ANGPT1: variants seen among roughly 807,000 people sequenced by gnomAD.
ANGPT1 encodes angiopoietin-1.
ANGPT1 carries 17 observed loss-of-function variants against 62.2 expected under a neutral mutation model. The observed-to-expected ratio is 0.27, with a 90% CI of 0.19 to 0.41. The LOEUF (loss-of-function observed/expected upper bound fraction) is 0.41, where lower values mean the gene tolerates loss of function less well. ANGPT1 is among the 10% of genes least tolerant of loss of function. The probability of loss-of-function intolerance (pLI) is 1.00; values close to 1 mark genes in which losing one functional copy is unlikely to be tolerated. For missense variants in ANGPT1, 478 were observed against 594.9 expected (o/e 0.80, Z 2.04); for synonymous variants, 199 against 198.9 (o/e 1.00, Z 0.00).
At chr8:107,282,520 ATAT>A (rs1358224584) in intron 7 of ANGPT1, among the ~76,000 whole-genome samples, 1 of 137,974 alleles carries the variant, frequency 7.2e-6, no homozygotes, top group African/African-American at 2.7e-5. Context: ...TATATATCAT[ATAT>A]TATATTATAT....
chr8:107,429,485 G>A (rs868749245), intron 1 of ANGPT1, among the ~76,000 whole-genome samples: 8 of 152,094 alleles, frequency 5.3e-5, no homozygotes, highest in Admixed American at 3.3e-4. Flanking sequence ...GACACTGAGC[G>A]GGACACTCCC....
intron 7 of ANGPT1, among the ~76,000 whole-genome samples, chr8:107,272,233 C>T (rs1305047071): frequency 2.0e-5 from 3 of 151,936 alleles, no homozygotes; most frequent in Admixed American, 2.0e-4. Context: ...TAGTAATGGT[C>T]CTGGGAATCT....
intron 1 of ANGPT1, among the ~76,000 whole-genome samples, chr8:107,481,268 C>T (rs1463218901): frequency 6.6e-6 from 1 of 152,114 alleles, no homozygotes; most frequent in African/African-American, 2.4e-5. Context: ...GGTGAGGTGG[C>T]TCATGCCTGT....
chr8:107,399,866 A>G (rs1176240210), intron 1 of ANGPT1, among the ~76,000 whole-genome samples: 1 of 152,154 alleles, frequency 6.6e-6, no homozygotes, highest in African/African-American at 2.4e-5. Context: ...TTGGGTAGAA[A>G]GGGCTTAGAA....
chr8:107,367,007 C>T (rs74596474), intron 1 of ANGPT1, among the ~76,000 whole-genome samples: 6,381 of 152,136 alleles, frequency 0.042, 347 homozygotes, highest in African/African-American at 0.13. Flanking sequence ...GGAATAGACC[C>T]TGCAGCCCCA....
intron 1 of ANGPT1, among the ~76,000 whole-genome samples, chr8:107,347,977 G>A (rs148205048): frequency 6.6e-6 from 1 of 152,262 alleles, no homozygotes; most frequent in African/African-American, 2.4e-5. Context: ...CATATGCATT[G>A]TTTGAAAAAT....
chr8:107,426,058 T>C (rs1811033000), intron 1 of ANGPT1, among the ~76,000 whole-genome samples: 1 of 152,162 alleles, frequency 6.6e-6, no homozygotes, highest in African/African-American at 2.4e-5. Context: ...AAATAAAAGT[T>C]ACTGGACTTC....
At chr8:107,406,616 C>G (rs1817153127) in intron 1 of ANGPT1, among the ~76,000 whole-genome samples, 1 of 151,904 alleles carries the variant, frequency 6.6e-6, no homozygotes, top group African/African-American at 2.4e-5. Context: ...TCTTTCGAGT[C>G]TCATATTATG....
At chr8:107,288,580 T>C (rs1814199886) in intron 6 of ANGPT1, among the ~76,000 whole-genome samples, 1 of 152,094 alleles carries the variant, frequency 6.6e-6, no homozygotes, top group African/African-American at 2.4e-5. Context: ...GAGGGAGAGC[T>C]ATACATGTAA....
rs544585663 is a variant in ANGPT1, at chr8:107,471,208, T to C, written c.297+26054A>G. ...GGCACATATACACCATGGAATACTA[T>C]GCAACCATAAGAAAGAATGAGCTCA... On this transcript the variant is annotated intron_variant, in intron 1 of 8. Coordinates refer to ENST00000517746, the MANE Select transcript of ANGPT1 (RefSeq NM_001146.5). 2.6e-5 allele frequency among the ~76,000 whole-genome samples: 4 copies of C among 152,278 alleles called. No homozygotes were observed. The East Asian group carries it at 5.8e-4, about 22-fold the overall frequency.
intron 1 of ANGPT1, among the ~76,000 whole-genome samples, chr8:107,457,311 T>G (rs1373647137): frequency 6.6e-6 from 1 of 152,032 alleles, no homozygotes; most frequent in Non-Finnish European, 1.5e-5. Context: ...CTTCCTGTCA[T>G]TTGGAAATAA....
rs934434906 is a variant in ANGPT1 at position 107,250,623 on chromosome 8, A to G, written c.*1232T>C. On this transcript the variant is annotated 3_prime_UTR_variant, in exon 9 of 9. Coordinates refer to ENST00000517746, the MANE Select transcript of ANGPT1 (RefSeq NM_001146.5). ...GCATCAATTAAGGACAATGTTGCAT[A>G]TTCCAGATTAATTAGCTATTAGGTT... is the stretch of plus-strand genomic sequence containing the variant. The G allele has an allele frequency of 1.3e-5, 2 of 152,148 alleles. No homozygotes were observed. The highest frequency in any genetic ancestry group is 2.9e-5 in the Non-Finnish European group (2 of 67,992). The allele number at this position is 152,148 out of a possible 1,614,324, so 9.4% of individuals were successfully genotyped here. A position where few individuals can be genotyped will look rare whatever the true frequency, so the allele number is the denominator to read the frequency against.
At chr8:107,445,021 A>T (rs1033894189) in intron 1 of ANGPT1, among the ~76,000 whole-genome samples, 6 of 152,188 alleles carry the variant, frequency 3.9e-5, no homozygotes, top group Non-Finnish European at 7.4e-5. Context: ...TGGTCATTAG[A>T]ATCCGCACTT....
chr8:107,409,747 C>G (rs915169568), intron 1 of ANGPT1, among the ~76,000 whole-genome samples: 1 of 150,758 alleles, frequency 6.6e-6, no homozygotes, highest in Non-Finnish European at 1.5e-5. Flanking sequence ...TTTCTGAAGT[C>G]CATTATCTTT....
intron 1 of ANGPT1, among the ~76,000 whole-genome samples, chr8:107,488,644 C>A (rs980505714): frequency 3.9e-5 from 6 of 152,156 alleles, no homozygotes; most frequent in African/African-American, 1.2e-4. Flanking sequence ...AGCATTAGAA[C>A]AACTATAACC....
At chr8:107,321,734 A>C (rs1815154041) in intron 4 of ANGPT1, among the ~76,000 whole-genome samples, 162 bp downstream of exon 4, 1 of 152,220 alleles carries the variant, frequency 6.6e-6, no homozygotes, top group African/African-American at 2.4e-5. Flanking sequence ...AGGTAGAAAC[A>C]TGAGAAAATT....
At chr8:107,487,401 A>G (rs2130533920) in intron 1 of ANGPT1, among the ~76,000 whole-genome samples, 1 of 152,248 alleles carries the variant, frequency 6.6e-6, no homozygotes, top group South Asian at 2.1e-4. Context: ...GTGGGGGTTG[A>G]AAAAAGCAAA....
chr8:107,428,515 T>G (rs1433376712), intron 1 of ANGPT1, among the ~76,000 whole-genome samples: 1 of 152,154 alleles, frequency 6.6e-6, no homozygotes, highest in African/African-American at 2.4e-5. Context: ...TTCCTAAGGG[T>G]CTGTCTTCAG....
At chr8:107,370,173 A>T (rs10955451) in intron 1 of ANGPT1, among the ~76,000 whole-genome samples, 54,383 of 94,118 alleles carry the variant, frequency 0.58, 13,402 homozygotes, top group East Asian at 0.72. Flanking sequence ...AGAAAGAGAG[A>T]AAGAAGAAAG....
Sources: gnomAD v4.1 joint callset for allele counts (sites outside exome capture counted in the v4.1 genomes callset) on GRCh38, gnomAD v4.1.1 for gene constraint, MANE v1.5 for transcripts, NCBI Gene and HGNC (gene_info 2026-07-23, HGNC 2026-07-21) for gene names.